SUCO: variants seen among roughly 807,000 people sequenced by gnomAD.
SUCO encodes SUN domain containing ossification factor.
Under a neutral mutation model 148.1 loss-of-function variants are expected in SUCO, and 57 were observed. That is an observed-to-expected ratio of 0.38 (90% CI 0.31 to 0.48). SUCO has a LOEUF of 0.48. SUCO is among the 20% of genes least tolerant of loss of function. The pLI, the probability that SUCO is intolerant of heterozygous loss-of-function variation, is 0.96. For synonymous variants in SUCO, 470 were observed against 502.7 expected, an observed-to-expected ratio of 0.93 and a Z score of 0.87; for missense variants, 1,331 against 1,468.2, an observed-to-expected ratio of 0.91 and a Z score of 1.53.
At chr1:172,599,230 G>C (rs1356166272) in intron 19 of SUCO, among the ~76,000 whole-genome samples, 1 of 152,188 alleles carries the variant, frequency 6.6e-6, no homozygotes, top group Non-Finnish European at 1.5e-5. Flanking sequence ...TCGGGAGGCT[G>C]AGGCAGGAGA....
chr1:172,591,132 T>C lies in SUCO; in HGVS notation c.2913+61T>C, dbSNP rs983257522. 15 of 1,281,684 alleles carry C rather than the reference T, an allele frequency of 1.2e-5. No individual in the cohort carries two copies. In the African/African-American group the frequency reaches 1.9e-4, roughly 17 times the overall value. The allele number at this position is 1,281,684 out of a possible 1,614,324, so 79.4% of individuals were successfully genotyped here. A position where few individuals can be genotyped will look rare whatever the true frequency, so the allele number is the denominator to read the frequency against. ...AATTTCCACTGAATTCTGTAGGGTC[T>C]CACTGGTAAACAGTAAGTATTGTAG... On this transcript the variant is annotated intron_variant, in intron 19 of 23. Transcript: ENST00000263688.
intron 15 of SUCO, among the ~76,000 whole-genome samples, chr1:172,581,667 A>G (rs1655893770): frequency 6.6e-6 from 1 of 152,174 alleles, no homozygotes; most frequent in Admixed American, 6.5e-5. Context: ...TATAATCATC[A>G]CTGCTTTCTA....
intron 13 of SUCO, 148 bp downstream of exon 13, chr1:172,577,967 T>C (rs1655579150): frequency 1.6e-6 from 1 of 614,780 alleles, no homozygotes; most frequent in African/African-American, 1.9e-5. Context: ...TGAATGCATT[T>C]TGGAAAAATG....
chr1:172,532,831 A>G (rs974094272), upstream of SUCO: 4 of 1,564,170 alleles, frequency 2.6e-6, no homozygotes, highest in African/African-American at 2.7e-5. Context: ...GCTGAGGATC[A>G]CTGGGCTCCT....
intron 6 of SUCO, chr1:172,568,251 A>C (rs1320682687): frequency 1.1e-5 from 10 of 933,160 alleles, no homozygotes; most frequent in Non-Finnish European, 1.3e-5. Context: ...GGATTCCATG[A>C]TTATTACTGA....
At chr1:172,608,002 C>A in intron 22 of SUCO, 3 of 773,818 alleles carry the variant, frequency 3.9e-6, no homozygotes, top group Non-Finnish European at 4.7e-6. Context: ...TTGAATAGGA[C>A]TAAAGTCTCA....
At chr1:172,584,940 A>G in intron 15 of SUCO, 78 bp from the exon 16 acceptor site, 1 of 942,158 alleles carries the variant, frequency 1.1e-6, no homozygotes, top group Non-Finnish European at 1.6e-6. Flanking sequence ...ATTCTAAATG[A>G]TTTTTTGACT....
intron 14 of SUCO, 57 bp downstream of exon 14, chr1:172,578,446 G>A (rs1655624024): frequency 1.3e-5 from 20 of 1,527,228 alleles, no homozygotes; most frequent in Middle Eastern, 1.7e-4. Flanking sequence ...TTTAAAAATC[G>A]AATAGTAATG....
chr1:172,542,961 T>A, intron 1 of SUCO: 1 of 985,240 alleles, frequency 1.0e-6, no homozygotes, highest in Non-Finnish European at 1.2e-6. Context: ...GAGTGGAGAA[T>A]AATAGAAGAT....
intron 3 of SUCO, among the ~76,000 whole-genome samples, chr1:172,554,011 T>TA (rs1327206196): frequency 6.6e-6 from 1 of 152,142 alleles, no homozygotes; most frequent in Non-Finnish European, 1.5e-5. Context: ...TCTCGAATAT[T>TA]AAAAAAAGAA....
chr1:172,572,566 A>G (rs1474601639), intron 9 of SUCO, among the ~76,000 whole-genome samples: 4 of 151,976 alleles, frequency 2.6e-5, no homozygotes, highest in Non-Finnish European at 5.9e-5. Context: ...ACACTGCGGA[A>G]GGCCGCAGGG....
At chr1:172,555,026 T>C (rs563813537) in intron 3 of SUCO, among the ~76,000 whole-genome samples, 8 of 152,276 alleles carry the variant, frequency 5.3e-5, no homozygotes, top group Non-Finnish European at 7.4e-5. Flanking sequence ...TCATAGTCCT[T>C]AGTTTCTTTT....
chr1:172,596,133 T>TA (rs1657080058), intron 19 of SUCO, among the ~76,000 whole-genome samples: 1 of 152,234 alleles, frequency 6.6e-6, no homozygotes, highest in Non-Finnish European at 1.5e-5. Context: ...CTCCATCAGA[T>TA]CAATTAAGGT....
chr1:172,590,225 T>A (rs372028075), intron 18 of SUCO: 54 of 633,200 alleles, frequency 8.5e-5, no homozygotes, highest in African/African-American at 7.2e-4. Context: ...CTTTAGCCAC[T>A]TTTTCTGCTT....
chr1:172,601,770 CAA>C (rs2149270419), intron 20 of SUCO, among the ~76,000 whole-genome samples: 1 of 152,028 alleles, frequency 6.6e-6, no homozygotes, highest in South Asian at 2.1e-4. Context: ...GAAAGACAAA[CAA>C]AATGTGACAA....
intron 11 of SUCO, 128 bp downstream of exon 11, chr1:172,575,751 A>C: frequency 1.9e-6 from 1 of 522,934 alleles, no homozygotes; most frequent in Non-Finnish European, 3.3e-6. Flanking sequence ...CTTAATAGAT[A>C]ATTCTTACTT....
chr1:172,569,071 C>T lies in SUCO; in HGVS notation c.785C>T (p.Pro262Leu), dbSNP rs531909897. ...GDIDPTSVAS[P>L]KDPEDIPTFD... ...ATTGACCCTACATCAGTAGCAAGTC[C>T]CAAAGATCCAGAAGATATACCAACA... Residue 262 changes from proline (P) to leucine (L), a missense_variant, in exon 7 of 24, where the codon CCC (proline) becomes CTC (leucine). Pro to Leu is a moderately conservative substitution (Grantham distance 98). Coordinates refer to ENST00000263688, the MANE Select transcript of SUCO (RefSeq NM_014283.5). 6.3e-7 allele frequency: 1 copy of T among 1,595,796 alleles called. No homozygotes were observed. Among genetic ancestry groups the T allele is most frequent in the African/African-American group, 1.4e-5 (1 of 73,972 alleles).
chr1:172,572,367 C>A (rs1461944795), intron 9 of SUCO, among the ~76,000 whole-genome samples: 1 of 151,892 alleles, frequency 6.6e-6, no homozygotes, highest in Non-Finnish European at 1.5e-5. Context: ...AAAAATTCTT[C>A]TGCCTTGTGA....
intron 19 of SUCO, among the ~76,000 whole-genome samples, chr1:172,594,750 T>G (rs1021012497): frequency 4.6e-5 from 7 of 152,184 alleles, no homozygotes; most frequent in African/African-American, 1.7e-4. Context: ...GAATGTATAT[T>G]TTGTTGATTT....
Sources: gnomAD v4.1 joint callset for allele counts (sites outside exome capture counted in the v4.1 genomes callset) on GRCh38, gnomAD v4.1.1 for gene constraint, MANE v1.5 for transcripts, NCBI Gene and HGNC (gene_info 2026-07-23, HGNC 2026-07-21) for gene names.